PEAK1: variants seen among roughly 807,000 people sequenced by gnomAD.
PEAK1 encodes the protein inactive tyrosine-protein kinase PEAK1.
Under a neutral mutation model 124.7 loss-of-function variants are expected in PEAK1, and 54 were observed. That is an observed-to-expected ratio of 0.43 (90% CI 0.35 to 0.54). PEAK1 has a LOEUF of 0.54. Among genes scored for constraint, PEAK1 ranks in the 20% least tolerant of loss-of-function variants. PEAK1 has a pLI of 0.01. For synonymous variants in PEAK1, 719 were observed against 760.0 expected, an observed-to-expected ratio of 0.95 and a Z score of 0.89; for missense variants, 2,046 against 2,134.5, an observed-to-expected ratio of 0.96 and a Z score of 0.82.
intron 2 of PEAK1, among the ~76,000 whole-genome samples, chr15:77,309,655 T>C (rs2064314561): frequency 6.6e-6 from 1 of 152,102 alleles, no homozygotes; most frequent in African/African-American, 2.4e-5. Context: ...TCCCCACCCT[T>C]TATTTAATCC....
chr15:77,284,612 T>C (rs1158103124), intron 4 of PEAK1, among the ~76,000 whole-genome samples: 4 of 152,158 alleles, frequency 2.6e-5, no homozygotes, highest in African/African-American at 9.7e-5. Flanking sequence ...CTGGTTACAA[T>C]GAAAAGCTTG....
At chr15:77,419,301 G>A in intron 1 of PEAK1, 1 of 985,380 alleles carries the variant, frequency 1.0e-6, no homozygotes, top group Non-Finnish European at 1.2e-6. Flanking sequence ...TGCATGCGAC[G>A]AGAGGGGAGG....
In PEAK1 at chr15:77,181,031, T is replaced by G; in HGVS notation, c.896A>C (p.Lys299Thr). ...CACAGCACAGATTCTCTGCAGAGAC[T>G]TGTTTCGCAGGGGGATGGTATTCCA... The part of the protein sequence containing the change: ...KKWNTIPLRN[K>T]SLQRICAVDY... The change falls in exon 7 of 10, where the codon AAG (lysine) becomes ACG (threonine). Residue 299 changes from lysine to threonine, a missense_variant. By Grantham distance (78) the Lys-to-Thr change is moderately conservative. Coordinates refer to ENST00000682557, the MANE Select transcript of PEAK1 (RefSeq NM_001385026.1). The G allele has an allele frequency of 6.2e-7, 1 of 1,614,212 alleles. No homozygotes were observed.
chr15:77,158,028 A>G (rs151151210), intron 8 of PEAK1: 1 of 155,532 alleles, frequency 6.4e-6, no homozygotes, highest in Non-Finnish European at 1.4e-5. Context: ...GCAACACTAA[A>G]TGTTTGTGGT....
intron 6 of PEAK1, among the ~76,000 whole-genome samples, chr15:77,187,852 G>A (rs1027739468): frequency 6.6e-6 from 1 of 152,042 alleles, no homozygotes; most frequent in East Asian, 1.9e-4. Context: ...ACAAGTCAAG[G>A]TTCTCACTAG....
In PEAK1 at chr15:77,161,155, T is replaced by C. The variant is rs1053529702; in HGVS notation, c.3138-2459A>G. Among the ~76,000 whole-genome samples, 9 of 152,170 alleles carry C rather than the reference T, an allele frequency of 5.9e-5. No homozygotes were observed. In the East Asian group the frequency reaches 1.5e-3, roughly 26 times the overall value. On this transcript the variant is annotated intron_variant, in intron 7 of 9. Transcript: ENST00000682557. ...AACACAATTCCCCATTAAAGGAAAA[T>C]TTCACAGGGCCTTCTCGAGTCTGTT...
At position 77,406,056 on chromosome 15, in the gene PEAK1, T is replaced by G. The variant is rs1350886857; in HGVS notation, c.-666+13950A>C. Among the ~76,000 whole-genome samples, 9 of 152,338 alleles carry G rather than the reference T, an allele frequency of 5.9e-5. No individual in the cohort carries two copies. The South Asian group carries it at 1.9e-3, about 32-fold the overall frequency. On this transcript the variant is annotated intron_variant, in intron 1 of 9. Coordinates refer to ENST00000682557, the MANE Select transcript of PEAK1 (RefSeq NM_001385026.1). ...CATTTAAATTTGCTGTTATGCTGCATAGAAGAAAATAGATTTTTATAGGTT... is the reference window on the plus strand; with the variant it reads ...CATTTAAATTTGCTGTTATGCTGCAGAGAAGAAAATAGATTTTTATAGGTT...
intron 9 of PEAK1, among the ~76,000 whole-genome samples, chr15:77,119,182 A>C (rs1240616131): frequency 6.6e-6 from 1 of 152,248 alleles, no homozygotes; most frequent in African/African-American, 2.4e-5. Flanking sequence ...CAGGAAGAGA[A>C]GCCCATCCTG....
intron 2 of PEAK1, among the ~76,000 whole-genome samples, chr15:77,290,614 A>C (rs2063164559): frequency 6.6e-6 from 1 of 151,050 alleles, no homozygotes. Context: ...CAGTGGCGTG[A>C]CCATGGATCA....
chr15:77,226,998 G>A (rs1158097553), intron 6 of PEAK1, among the ~76,000 whole-genome samples: 1 of 152,098 alleles, frequency 6.6e-6, no homozygotes, highest in African/African-American at 2.4e-5. Context: ...TATGGCAGTT[G>A]TCCTCAACCT....
At position 77,114,735 on chromosome 15, in the gene PEAK1, G is replaced by C; in HGVS notation, c.4662C>G (p.Ser1554Arg). The change falls in exon 10 of 10, where the codon AGC (serine) becomes AGG (arginine). Residue 1554 changes from serine (S) to arginine (R), a missense_variant. Coordinates refer to ENST00000682557, the MANE Select transcript of PEAK1 (RefSeq NM_001385026.1). Reference sequence around the variant, plus strand: ...TCTTCTGCTTGGCCTGAGAGAAGTTGCTCACTATAAGCCTAGTGGGATAAG... The same window carrying C: ...TCTTCTGCTTGGCCTGAGAGAAGTTCCTCACTATAAGCCTAGTGGGATAAG... ...TSSYPTRLIV[S>R]NFSQAKQKSH... 2 of 1,613,346 alleles carry C rather than the reference G, an allele frequency of 1.2e-6. No individual in the cohort carries two copies. Among genetic ancestry groups the C allele is most frequent in the Non-Finnish European group, 1.7e-6 (2 of 1,179,938 alleles).
At chr15:77,290,713 A>G (rs1255043733) in intron 2 of PEAK1, among the ~76,000 whole-genome samples, 6 of 151,988 alleles carry the variant, frequency 3.9e-5, no homozygotes, top group African/African-American at 1.2e-4. Flanking sequence ...CCATGTCTGA[A>G]TAATTCTTTT....
At chr15:77,141,647 C>T (rs965632860) in intron 8 of PEAK1, among the ~76,000 whole-genome samples, 2 of 152,094 alleles carry the variant, frequency 1.3e-5, no homozygotes. Flanking sequence ...TTATAGTAAT[C>T]AAGAGTACGT....
rs991724843 is a variant in PEAK1, at chr15:77,410,301, T to C, written c.-666+9705A>G. On this transcript the variant is annotated intron_variant, in intron 1 of 9. Transcript: ENST00000682557. Reference sequence around the variant, plus strand: ...CCACCACGCCCAGCTAATTTTGTATTTTTAGTACAGATGGGCTTTCTCCAT... The same window carrying C: ...CCACCACGCCCAGCTAATTTTGTATCTTTAGTACAGATGGGCTTTCTCCAT... Among the ~76,000 whole-genome samples the C allele has an allele frequency of 3.9e-5, 6 of 152,152 alleles. 1 individual carries two copies. The highest frequency in any genetic ancestry group is 2.1e-4 in the South Asian group (1 of 4,830).
intron 5 of PEAK1, chr15:77,278,433 A>C: frequency 4.8e-6 from 2 of 414,766 alleles, no homozygotes; most frequent in Non-Finnish European, 9.4e-6. Context: ...AGCCCACATA[A>C]CGCACCTATG....
chr15:77,199,333 G>C (rs1367767161), intron 6 of PEAK1, among the ~76,000 whole-genome samples: 1 of 152,122 alleles, frequency 6.6e-6, no homozygotes, highest in Non-Finnish European at 1.5e-5. Context: ...TGTAGATATC[G>C]AAGTGGTCTA....
At chr15:77,210,025 T>C (rs2058831592) in intron 6 of PEAK1, among the ~76,000 whole-genome samples, 1 of 152,230 alleles carries the variant, frequency 6.6e-6, no homozygotes, top group Non-Finnish European at 1.5e-5. Flanking sequence ...GGCCAGTTAC[T>C]TATGTCTTTG....
rs78319241 is a variant in PEAK1 at position 77,328,422 on chromosome 15, A to G, written c.-603+36741T>C. 7.3e-3 allele frequency among the ~76,000 whole-genome samples: 1,114 copies of G among 152,284 alleles called. 15 individuals are homozygous for G. The highest frequency in any genetic ancestry group is 0.025 in the African/African-American group (1,058 of 41,564). Reference sequence around the variant, plus strand: ...TTAGTAACTGACATTCTTTTCATTCACCATTAAAAGTGCTCTTTATATAAA... The same window carrying G: ...TTAGTAACTGACATTCTTTTCATTCGCCATTAAAAGTGCTCTTTATATAAA... On this transcript the variant is annotated intron_variant, in intron 2 of 9. Transcript: ENST00000682557.
chr15:77,172,841 C>T (rs112989723), intron 7 of PEAK1, among the ~76,000 whole-genome samples: 1,562 of 152,244 alleles, frequency 0.01, 31 homozygotes, highest in African/African-American at 0.036. Context: ...CAGCCTTGAC[C>T]TCCTGGGCTC....
Sources: allele counts gnomAD v4.1 joint callset (sites outside exome capture counted in the v4.1 genomes callset), GRCh38; gene constraint gnomAD v4.1.1; transcripts MANE v1.5; gene names NCBI Gene and HGNC (gene_info 2026-07-23, HGNC 2026-07-21).